Variants in DNAJC18 observed in about 807,000 individuals in gnomAD.
DNAJC18 encodes the protein dnaJ homolog subfamily C member 18.
A neutral mutation model predicts 48.6 loss-of-function variants in DNAJC18; 40 were observed. The ratio of observed to expected loss-of-function variants is 0.82; its 90% confidence interval spans 0.64 to 1.07. DNAJC18 has a LOEUF of 1.07. DNAJC18 is among the 50% of genes least tolerant of loss of function. The pLI, the probability that DNAJC18 is intolerant of heterozygous loss-of-function variation, is 0.00. For synonymous variants in DNAJC18, 135 were observed against 152.2 expected (o/e 0.89, Z 0.83); for missense variants, 340 against 427.7 (o/e 0.79, Z 1.81).
chr5:139,420,024 C>A (rs755415217), intron 7 of DNAJC18, 29 bp downstream of exon 7: 1 of 1,511,000 alleles, frequency 6.6e-7, no homozygotes, highest in Non-Finnish European at 8.8e-7. Context: ...CCACAGCCAC[C>A]AGCTAATGCC....
chr5:139,430,314 T>G (rs911330379), intron 2 of DNAJC18, among the ~76,000 whole-genome samples: 1 of 152,228 alleles, frequency 6.6e-6, no homozygotes, highest in Non-Finnish European at 1.5e-5. Flanking sequence ...GACTACAGTT[T>G]TAAACTTGCA....
Position 139,420,201 on chromosome 5 carries a change from T to C in DNAJC18, c.804A>G (p.Arg268=), listed in dbSNP as rs139227944. The change falls in exon 7 of 8, where the codon AGA becomes AGG. Residue 268 remains arginine (R), a synonymous_variant. Transcript: ENST00000302060. The part of the protein sequence containing the change: ...YKSTLGYTIS[R]ETQNLQVPYF... ...AAGGCACCTGCAGGTTCTGAGTTTC[T>C]CTAGAAATGGTGTAGCCCAAGGTCC... 88 of 1,610,772 alleles carry C rather than the reference T, an allele frequency of 5.5e-5. No homozygotes were observed. In the African/African-American group the frequency reaches 1.1e-3, roughly 21 times the overall value.
Position 139,420,193 on chromosome 5 carries a change from T to C in DNAJC18, c.812A>G (p.Gln271Arg), listed in dbSNP as rs150826878. The change falls in exon 7 of 8, where the codon CAG (glutamine) becomes CGG (arginine). Residue 271 changes from glutamine (Q) to arginine (R), a missense_variant. Physicochemically the swap from Gln to Arg is conservative, Grantham distance 43. Transcript: ENST00000302060. ...CACAAAGTAAGGCACCTGCAGGTTC[T>C]GAGTTTCTCTAGAAATGGTGTAGCC... ...TLGYTISRET[Q>R]NLQVPYFVDK... 9.9e-6 allele frequency: 16 copies of C among 1,611,072 alleles called. No homozygotes were observed. The highest frequency in any genetic ancestry group is 1.3e-5 in the Non-Finnish European group (15 of 1,179,266).
chr5:139,434,168 G>C (rs1346876314), intron 2 of DNAJC18, among the ~76,000 whole-genome samples: 1 of 152,294 alleles, frequency 6.6e-6, no homozygotes, highest in East Asian at 1.9e-4. Context: ...TGAGATTACA[G>C]ATGTGAGCCA....
intron 1 of DNAJC18, among the ~76,000 whole-genome samples, chr5:139,438,209 G>T (rs946723444): frequency 2.0e-5 from 3 of 151,922 alleles, no homozygotes; most frequent in Non-Finnish European, 2.9e-5. Flanking sequence ...CCAGCTACTC[G>T]GGAGGCTGAG....
Position 139,428,349 on chromosome 5 carries a change from A to G in DNAJC18, c.373+189T>C, listed in dbSNP as rs145457990. Among the ~76,000 whole-genome samples, 5 of 152,124 alleles carry G rather than the reference A, an allele frequency of 3.3e-5. No individual in the cohort carries two copies. The East Asian group carries it at 7.8e-4, about 24-fold the overall frequency. ...GAGGTGGAGGTTGCAGTGAGCTGAGATGTCACCACTGCACTCCAGCCTAGG... is the reference window on the plus strand; with the variant it reads ...GAGGTGGAGGTTGCAGTGAGCTGAGGTGTCACCACTGCACTCCAGCCTAGG... On this transcript the variant is annotated intron_variant, in intron 3 of 7. Transcript: ENST00000302060.
Position 139,412,728 on chromosome 5 carries a change from C to T in DNAJC18, c.*1420G>A. ...GCAGTGACTGAATTCTTCCTAGTCA[C>T]CAGTGGAGGGCTGCCTGCCTGTGAG... On this transcript the variant is annotated 3_prime_UTR_variant, in exon 8 of 8. Transcript: ENST00000302060. 2.5e-6 allele frequency: 1 copy of T among 398,646 alleles called. No homozygotes were observed. The highest frequency in any genetic ancestry group is 2.1e-5 in the African/African-American group (1 of 48,742). 24.7% of individuals were successfully genotyped at this position (398,646 alleles called of 1,614,324 possible). A position where few individuals can be genotyped will look rare whatever the true frequency, so the allele number is the denominator to read the frequency against.
In DNAJC18 at chr5:139,436,069, C is replaced by T. The variant is rs570179800; in HGVS notation, c.227+1303G>A. On this transcript the variant is annotated intron_variant, in intron 2 of 7. Coordinates refer to ENST00000302060, the MANE Select transcript of DNAJC18 (RefSeq NM_152686.4). ...TTAAATCACCTTATTTGTTGTAGGTCTACTTGGGTTTTCCTTTTTTTTTTC... is the reference window on the plus strand; with the variant it reads ...TTAAATCACCTTATTTGTTGTAGGTTTACTTGGGTTTTCCTTTTTTTTTTC... 2.6e-5 allele frequency among the ~76,000 whole-genome samples: 4 copies of T among 151,308 alleles called. No individual in the cohort carries two copies. The East Asian group carries it at 7.7e-4, about 29-fold the overall frequency.
chr5:139,422,837 A>T lies in DNAJC18; in HGVS notation c.670-20T>A. On this transcript the variant is annotated intron_variant, in intron 5 of 7. Transcript: ENST00000302060. ...TGTAGTCTGAAAAAGAAAAAAAAAT[A>T]AAAACTTGCTGTAAGTGTTCTTTTT... 9 of 1,543,066 alleles carry T rather than the reference A, an allele frequency of 5.8e-6. No homozygotes were observed. Among genetic ancestry groups the T allele is most frequent in the Non-Finnish European group, 7.9e-6 (9 of 1,139,844 alleles).
rs1360421525 is a variant in DNAJC18, at chr5:139,426,472, G to T, written c.374-115C>A. The T allele has an allele frequency of 3.1e-6, 4 of 1,284,558 alleles. No homozygotes were observed. The African/African-American group carries it at 4.5e-5, about 14-fold the overall frequency. 79.6% of individuals were successfully genotyped at this position (1,284,558 alleles called of 1,614,324 possible). A position where few individuals can be genotyped will look rare whatever the true frequency, so the allele number is the denominator to read the frequency against. Reference sequence around the variant, plus strand: ...ACTCGTGCTGGACAACTTCGCAGGGGCCCAAGAAGAGATGCTTGGGCCTAG... The same window carrying T: ...ACTCGTGCTGGACAACTTCGCAGGGTCCCAAGAAGAGATGCTTGGGCCTAG... On this transcript the variant is annotated intron_variant, in intron 3 of 7. Transcript: ENST00000302060.
intron 2 of DNAJC18, among the ~76,000 whole-genome samples, chr5:139,436,508 CCTCT>C (rs1400696309): frequency 6.7e-6 from 1 of 148,156 alleles, no homozygotes; most frequent in Non-Finnish European, 1.5e-5. Flanking sequence ...TAGGGATATC[CCTCT>C]TTCTTTTTTT....
Position 139,414,045 on chromosome 5 carries a change from G to A in DNAJC18, c.*103C>T. 2 of 1,493,796 alleles carry A rather than the reference G, an allele frequency of 1.3e-6. No homozygotes were observed. The highest frequency in any genetic ancestry group is 1.8e-6 in the Non-Finnish European group (2 of 1,120,810). The allele number at this position is 1,493,796 out of a possible 1,614,324, so 92.5% of individuals were successfully genotyped here. ...GCCCAACCAACGAAGTTAGCAAATAGTAAAGTGTTCATCATTACCTAGTTT... is the reference window on the plus strand; with the variant it reads ...GCCCAACCAACGAAGTTAGCAAATAATAAAGTGTTCATCATTACCTAGTTT... On this transcript the variant is annotated 3_prime_UTR_variant, in exon 8 of 8. Transcript: ENST00000302060.
chr5:139,410,898 A>G lies in DNAJC18; in HGVS notation c.*3250T>C, dbSNP rs1303048242. On this transcript the variant is annotated 3_prime_UTR_variant, in exon 8 of 8. Transcript: ENST00000302060. ...ATTCTTCTGCCTCAGCCTCCTGAGGAGCTGGGATTACAGACACGTGCTACC... is the reference window on the plus strand; with the variant it reads ...ATTCTTCTGCCTCAGCCTCCTGAGGGGCTGGGATTACAGACACGTGCTACC... 1 of 151,498 alleles carries G rather than the reference A, an allele frequency of 6.6e-6. No individual in the cohort carries two copies. The highest frequency in any genetic ancestry group is 2.4e-5 in the African/African-American group (1 of 41,128). 9.4% of individuals were successfully genotyped at this position (151,498 alleles called of 1,614,324 possible). A position where few individuals can be genotyped will look rare whatever the true frequency, so the allele number is the denominator to read the frequency against.
chr5:139,428,781 A>C (rs1355173111), intron 2 of DNAJC18, 98 bp from the exon 3 acceptor site: 2 of 1,407,758 alleles, frequency 1.4e-6, no homozygotes, highest in Non-Finnish European at 1.9e-6. Flanking sequence ...GTGGGACCCA[A>C]AACAAACCTA....
rs181773055 is a variant in DNAJC18, at chr5:139,438,073, T to A, written c.41-515A>T. ...GGCTCACGCCTGTAATCCCAGCACT[T>A]TGGGAGGCCAAGGCGGGCGGATCAC... On this transcript the variant is annotated intron_variant, in intron 1 of 7. Coordinates refer to ENST00000302060, the MANE Select transcript of DNAJC18 (RefSeq NM_152686.4). Among the ~76,000 whole-genome samples the A allele has an allele frequency of 3.7e-4, 56 of 152,226 alleles. No individual in the cohort carries two copies. The East Asian group carries it at 9.7e-3, about 26-fold the overall frequency.
intron 7 of DNAJC18, chr5:139,418,867 T>A: frequency 2.2e-6 from 1 of 456,326 alleles, no homozygotes; most frequent in South Asian, 1.5e-5. Flanking sequence ...CAAGTTCTTA[T>A]TCCCAGACAG....
chr5:139,433,632 A>G (rs1252396644), intron 2 of DNAJC18, among the ~76,000 whole-genome samples: 1 of 152,214 alleles, frequency 6.6e-6, no homozygotes, highest in Non-Finnish European at 1.5e-5. Flanking sequence ...ACAGTAGTAC[A>G]GTACTACTGT....
intron 4 of DNAJC18, among the ~76,000 whole-genome samples, chr5:139,425,784 T>C (rs1245534816): frequency 6.6e-6 from 1 of 152,212 alleles, no homozygotes; most frequent in East Asian, 1.9e-4. Context: ...TTCCTGGGCA[T>C]TGAATTATAC....
chr5:139,438,698 C>T (rs1445995613), intron 1 of DNAJC18, among the ~76,000 whole-genome samples: 1 of 152,234 alleles, frequency 6.6e-6, no homozygotes, highest in Non-Finnish European at 1.5e-5. Flanking sequence ...ACGCATCCTT[C>T]TTGTCACCAT....
Sources: gnomAD v4.1 joint callset for allele counts (sites outside exome capture counted in the v4.1 genomes callset) on GRCh38, gnomAD v4.1.1 for gene constraint, MANE v1.5 for transcripts, NCBI Gene and HGNC (gene_info 2026-07-23, HGNC 2026-07-21) for gene names.